Variants in RANBP17 observed in about 807,000 individuals in gnomAD.
RANBP17 encodes RAN binding protein 17.
Under a neutral mutation model 141.2 loss-of-function variants are expected in RANBP17, and 158 were observed. The observed-to-expected ratio is 1.12, with a 90% CI of 0.98 to 1.28. The LOEUF (loss-of-function observed/expected upper bound fraction) is 1.28. Among genes scored for constraint, RANBP17 ranks in the 50% most tolerant of loss-of-function variants. RANBP17 has a pLI of 0.00. For missense variants in RANBP17, 1,438 were observed against 1,290.7 expected, an observed-to-expected ratio of 1.11 and a Z score of -1.75; for synonymous variants, 430 against 450.0, an observed-to-expected ratio of 0.96 and a Z score of 0.56.
intron 12 of RANBP17, among the ~76,000 whole-genome samples, chr5:170,948,640 T>A (rs1774956099): frequency 6.6e-6 from 1 of 152,248 alleles, no homozygotes; most frequent in South Asian, 2.1e-4. Context: ...CTCTTCAGAT[T>A]GATCTCCAAA....
intron 14 of RANBP17, among the ~76,000 whole-genome samples, chr5:171,141,240 T>C (rs1000507293): frequency 2.0e-5 from 3 of 152,218 alleles, no homozygotes; most frequent in Non-Finnish European, 4.4e-5. Flanking sequence ...CAAAGTATAC[T>C]CAGACTTACA....
intron 18 of RANBP17, among the ~76,000 whole-genome samples, chr5:171,199,292 C>T (rs1762158994): frequency 6.6e-6 from 1 of 151,944 alleles, no homozygotes; most frequent in Admixed American, 6.6e-5. Context: ...AGGGCCTTGG[C>T]ACCCAAAGAG....
chr5:170,954,155 A>G (rs780563013), intron 13 of RANBP17, among the ~76,000 whole-genome samples: 2 of 152,230 alleles, frequency 1.3e-5, no homozygotes, highest in Non-Finnish European at 2.9e-5. Flanking sequence ...AAATTTCTAT[A>G]TATGAATAAT....
chr5:170,978,126 A>G (rs1777518131), intron 14 of RANBP17, among the ~76,000 whole-genome samples: 1 of 152,154 alleles, frequency 6.6e-6, no homozygotes, highest in Admixed American at 6.5e-5. Flanking sequence ...ATTAGTCATC[A>G]TCAGAGAAAT....
chr5:171,007,156 A>T (rs1342782675), intron 14 of RANBP17, among the ~76,000 whole-genome samples: 1 of 152,164 alleles, frequency 6.6e-6, no homozygotes, highest in Non-Finnish European at 1.5e-5. Flanking sequence ...TGTAGGACAG[A>T]GTTAGATATC....
At chr5:170,884,765 CATGTCCTG>C (rs1343604746) in intron 3 of RANBP17, among the ~76,000 whole-genome samples, 1 of 152,134 alleles carries the variant, frequency 6.6e-6, no homozygotes, top group African/African-American at 2.4e-5. Flanking sequence ...TAGAAAGGTC[CATGTCCTG>C]AAAGAAGTCT....
intron 5 of RANBP17, among the ~76,000 whole-genome samples, chr5:170,908,763 GT>G (rs1400534651): frequency 6.6e-6 from 1 of 151,758 alleles, no homozygotes; most frequent in East Asian, 1.9e-4. Context: ...TATGTTTCAT[GT>G]TTTATAAGTA....
chr5:170,986,870 C>G (rs1470752902), intron 14 of RANBP17, among the ~76,000 whole-genome samples: 1 of 151,768 alleles, frequency 6.6e-6, no homozygotes, highest in Admixed American at 6.6e-5. Context: ...TAGGAAAACA[C>G]TTGAATAAGG....
In RANBP17 at chr5:171,240,911, C is replaced by G; in HGVS notation, c.2423-17C>G. On this transcript the variant is annotated splice_polypyrimidine_tract_variant and intron_variant, in intron 22 of 27. Transcript: ENST00000523189. ...TGACATCTACTTATGTCACTTTCTG[C>G]TTTTATCCTGAAACAGGTAATCAGA... 1 of 1,575,238 alleles carries G rather than the reference C, an allele frequency of 6.3e-7. No individual in the cohort carries two copies. Among genetic ancestry groups the G allele is most frequent in the Non-Finnish European group, 8.7e-7 (1 of 1,146,022 alleles).
chr5:171,277,773 G>C (rs1361868406), intron 25 of RANBP17, among the ~76,000 whole-genome samples: 1 of 148,164 alleles, frequency 6.7e-6, no homozygotes, highest in Non-Finnish European at 1.5e-5. Context: ...GTATCATACA[G>C]CTAATAAGTA....
intron 14 of RANBP17, among the ~76,000 whole-genome samples, chr5:171,001,139 T>C (rs1561973727): frequency 6.6e-6 from 1 of 152,088 alleles, no homozygotes; most frequent in Non-Finnish European, 1.5e-5. Flanking sequence ...TGGGCAATGT[T>C]TCTCAGGGCT....
chr5:170,933,611 G>A (rs1402701294), intron 12 of RANBP17, among the ~76,000 whole-genome samples: 3 of 152,122 alleles, frequency 2.0e-5, no homozygotes, highest in Admixed American at 2.0e-4. Context: ...CTGATATGTT[G>A]TGTCTTTGTT....
At chr5:171,153,894 G>A (rs1002557533) in intron 14 of RANBP17, among the ~76,000 whole-genome samples, 2 of 151,950 alleles carry the variant, frequency 1.3e-5, no homozygotes, top group African/African-American at 4.8e-5. Context: ...AGGCATGGTG[G>A]CACATACCTG....
chr5:170,930,918 A>G lies in RANBP17; in HGVS notation c.1468+6368A>G, dbSNP rs181197487. 1.4e-3 allele frequency among the ~76,000 whole-genome samples: 207 copies of G among 152,334 alleles called. 1 individual carries two copies. Among genetic ancestry groups the G allele is most frequent in the Non-Finnish European group, 2.6e-3 (178 of 68,028 alleles). On this transcript the variant is annotated intron_variant, in intron 12 of 27. Transcript: ENST00000523189. Reference sequence around the variant, plus strand: ...CGGTGTGATTTATAATCATTTGGGTATATGCCCAGTAATGGGATGACTGGG... The same window carrying G: ...CGGTGTGATTTATAATCATTTGGGTGTATGCCCAGTAATGGGATGACTGGG...
Position 171,079,123 on chromosome 5 carries a change from G to A in RANBP17, c.1711-91007G>A, listed in dbSNP as rs188093112. Among the ~76,000 whole-genome samples the A allele has an allele frequency of 2.2e-3, 335 of 152,282 alleles. 1 individual carries two copies. The highest frequency in any genetic ancestry group is 7.9e-3 in the African/African-American group (329 of 41,536). On this transcript the variant is annotated intron_variant, in intron 14 of 27. Transcript: ENST00000523189. ...TAATATATTGACTCTGAAAGGAGTT[G>A]ATTCTAACCCTCATGGATGACTCTG...
intron 18 of RANBP17, among the ~76,000 whole-genome samples, chr5:171,188,270 G>C (rs1201498290): frequency 6.6e-6 from 1 of 152,226 alleles, no homozygotes; most frequent in East Asian, 1.9e-4. Flanking sequence ...CCAATCATCT[G>C]CTACCTTAGG....
chr5:171,139,931 G>A (rs1385655799), intron 14 of RANBP17, among the ~76,000 whole-genome samples: 1 of 152,096 alleles, frequency 6.6e-6, no homozygotes, highest in Admixed American at 6.6e-5. Flanking sequence ...TAACTTACAT[G>A]TAAACCCCAC....
intron 24 of RANBP17, among the ~76,000 whole-genome samples, chr5:171,248,336 C>T (rs1398727064): frequency 6.8e-6 from 1 of 147,300 alleles, no homozygotes; most frequent in East Asian, 2.0e-4. Flanking sequence ...CACTGCACTC[C>T]AGCCTGGGCA....
At chr5:170,986,235 G>T (rs919730287) in intron 14 of RANBP17, among the ~76,000 whole-genome samples, 3 of 151,970 alleles carry the variant, frequency 2.0e-5, no homozygotes, top group East Asian at 3.9e-4. Context: ...GTTTGTAAAG[G>T]CCAGGAAGTG....
Sources: allele counts gnomAD v4.1 joint callset (sites outside exome capture counted in the v4.1 genomes callset), GRCh38; gene constraint gnomAD v4.1.1; transcripts MANE v1.5; gene names NCBI Gene and HGNC (gene_info 2026-07-23, HGNC 2026-07-21).